TOMM70: variants seen among roughly 807,000 people sequenced by gnomAD.
TOMM70 encodes mitochondrial import receptor subunit TOM70.
TOMM70 carries 13 observed loss-of-function variants against 73.6 expected under a neutral mutation model. That is an observed-to-expected ratio of 0.18 (90% CI 0.11 to 0.28). The LOEUF is 0.28. Among genes scored for constraint, TOMM70 ranks in the 10% least tolerant of loss-of-function variants. TOMM70 has a pLI of 1.00. For synonymous variants in TOMM70, 257 were observed against 271.2 expected, an observed-to-expected ratio of 0.95 and a Z score of 0.51; for missense variants, 609 against 747.5, an observed-to-expected ratio of 0.81 and a Z score of 2.16.
intron 10 of TOMM70, among the ~76,000 whole-genome samples, chr3:100,368,651 C>T (rs940404647): frequency 5.9e-5 from 9 of 152,230 alleles, no homozygotes; most frequent in African/African-American, 2.2e-4. Flanking sequence ...TCTTGGCTCA[C>T]TGCAACCTCT....
In TOMM70 at chr3:100,363,821, C is replaced by G. The variant is rs1409488228; in HGVS notation, c.*1743G>C. ...ACAAAATGCAGCGGTCTCAAACTTCCCATCATCCAAATCATCTTGAATTAT... is the reference window on the plus strand; with the variant it reads ...ACAAAATGCAGCGGTCTCAAACTTCGCATCATCCAAATCATCTTGAATTAT... On this transcript the variant is annotated 3_prime_UTR_variant, in exon 12 of 12. Coordinates refer to ENST00000284320, the MANE Select transcript of TOMM70 (RefSeq NM_014820.5). 2 of 152,080 alleles carry G rather than the reference C, an allele frequency of 1.3e-5. No homozygotes were observed. The highest frequency in any genetic ancestry group is 4.8e-5 in the African/African-American group (2 of 41,364). 9.4% of individuals were successfully genotyped at this position (152,080 alleles called of 1,614,324 possible). A position where few individuals can be genotyped will look rare whatever the true frequency, so the allele number is the denominator to read the frequency against.
intron 1 of TOMM70, among the ~76,000 whole-genome samples, chr3:100,397,910 A>G (rs1302813156): frequency 2.0e-5 from 3 of 151,974 alleles, no homozygotes; most frequent in African/African-American, 7.3e-5. Flanking sequence ...GTTATTTGTA[A>G]AACTAAAAAA....
At chr3:100,366,696 T>A (rs1203965855) in intron 11 of TOMM70, among the ~76,000 whole-genome samples, 1 of 152,254 alleles carries the variant, frequency 6.6e-6, no homozygotes, top group East Asian at 1.9e-4. Context: ...ATTGTAAGGT[T>A]CAGAATGGAT....
intron 5 of TOMM70, among the ~76,000 whole-genome samples, chr3:100,380,951 C>T (rs1325187635): frequency 2.6e-5 from 4 of 152,034 alleles, no homozygotes; most frequent in South Asian, 2.1e-4. Context: ...CTTCCTAACT[C>T]GTTAAAAAAA....
chr3:100,395,269 T>C (rs1410062349), intron 1 of TOMM70, among the ~76,000 whole-genome samples: 6 of 152,222 alleles, frequency 3.9e-5, no homozygotes, highest in African/African-American at 1.2e-4. Flanking sequence ...CTCGGGAGGC[T>C]GAGGCAGGAG....
chr3:100,383,074 T>C (rs962308760), intron 4 of TOMM70, among the ~76,000 whole-genome samples: 5 of 152,176 alleles, frequency 3.3e-5, no homozygotes, highest in African/African-American at 1.2e-4. Flanking sequence ...TCTTACCATC[T>C]TGCAATCCAA....
chr3:100,380,922 T>C (rs1050642124), intron 5 of TOMM70, among the ~76,000 whole-genome samples: 1 of 152,216 alleles, frequency 6.6e-6, no homozygotes, highest in Non-Finnish European at 1.5e-5. Flanking sequence ...GCACAGCTAC[T>C]AGAACAGTAT....
intron 1 of TOMM70, among the ~76,000 whole-genome samples, chr3:100,394,138 A>T (rs1333180059): frequency 1.3e-5 from 2 of 152,368 alleles, no homozygotes; most frequent in East Asian, 1.9e-4. Context: ...GTGAGAAAAT[A>T]AAATGGGTAT....
chr3:100,399,848 G>A (rs887349256), intron 1 of TOMM70, among the ~76,000 whole-genome samples: 5 of 151,802 alleles, frequency 3.3e-5, no homozygotes. Context: ...GCAGCAAGAG[G>A]GGACAGTGCA....
intron 6 of TOMM70, among the ~76,000 whole-genome samples, chr3:100,375,886 A>C (rs558415336): frequency 1.3e-5 from 2 of 152,270 alleles, no homozygotes; most frequent in Admixed American, 1.3e-4. Context: ...TTGGGTATAT[A>C]CCTAGGAGTG....
chr3:100,370,859 A>G (rs1270483355), intron 9 of TOMM70, among the ~76,000 whole-genome samples: 2 of 152,182 alleles, frequency 1.3e-5, no homozygotes, highest in African/African-American at 2.4e-5. Context: ...CTATTGGGAA[A>G]GTTCTGCAGA....
At chr3:100,391,525 A>G (rs897331001) in intron 1 of TOMM70, among the ~76,000 whole-genome samples, 3 of 152,212 alleles carry the variant, frequency 2.0e-5, no homozygotes, top group Non-Finnish European at 2.9e-5. Flanking sequence ...AATTTTTTTA[A>G]TAAGACAAAG....
chr3:100,392,494 T>G (rs1706774536), intron 1 of TOMM70, among the ~76,000 whole-genome samples: 1 of 152,162 alleles, frequency 6.6e-6, no homozygotes, highest in Non-Finnish European at 1.5e-5. Context: ...CTCGGCTCAC[T>G]GCAACCTGTC....
At chr3:100,400,489 T>G in intron 1 of TOMM70, 137 bp downstream of exon 1, 14 of 916,052 alleles carry the variant, frequency 1.5e-5, no homozygotes, top group Non-Finnish European at 2.3e-5. Context: ...CAGCCAGAAA[T>G]GAGTCTCCCT....
Position 100,381,726 on chromosome 3 carries a change from T to C in TOMM70, c.773A>G (p.Lys258Arg), listed in dbSNP as rs749460000. The part of the protein sequence containing the change: ...EPLMPSPQFI[K>R]SYFSSFTDDI... ...ATCCGTGAAAGAACTGAAGTAAGAT[T>C]TGATAAACTGTGGAGATGGCATCAG... Residue 258 changes from lysine (K) to arginine (R), a missense_variant, in exon 5 of 12, where the codon AAA becomes AGA. Physicochemically the swap from Lys to Arg is conservative, Grantham distance 26. Coordinates refer to ENST00000284320, the MANE Select transcript of TOMM70 (RefSeq NM_014820.5). 6.2e-7 allele frequency: 1 copy of C among 1,611,244 alleles called. No individual in the cohort carries two copies. Among genetic ancestry groups the C allele is most frequent in the Non-Finnish European group, 8.5e-7 (1 of 1,178,376 alleles).
chr3:100,384,401 GC>G, intron 4 of TOMM70, 77 bp downstream of exon 4: 1 of 1,000,338 alleles, frequency 1.0e-6, no homozygotes. Flanking sequence ...CTATGCCTAA[GC>G]TTAAGCAGCA....
At chr3:100,374,739 A>T (rs1706544682) in intron 7 of TOMM70, among the ~76,000 whole-genome samples, 1 of 152,178 alleles carries the variant, frequency 6.6e-6, no homozygotes, top group South Asian at 2.1e-4. Context: ...ACTCATTGAA[A>T]CCTATGAACC....
Position 100,393,426 on chromosome 3 carries a change from C to T in TOMM70, c.325-6448G>A, listed in dbSNP as rs187181042. Among the ~76,000 whole-genome samples, 45 of 151,862 alleles carry T rather than the reference C, an allele frequency of 3.0e-4. 1 individual carries two copies. In the East Asian group the frequency reaches 8.1e-3, roughly 27 times the overall value. ...CACAAAAGCATACAGAGTGACATAA[C>T]GGACTATGGAGACTCAGAGGAGGGG... On this transcript the variant is annotated intron_variant, in intron 1 of 11. Coordinates refer to ENST00000284320, the MANE Select transcript of TOMM70 (RefSeq NM_014820.5).
chr3:100,391,855 T>C (rs1706767177), intron 1 of TOMM70, among the ~76,000 whole-genome samples: 2 of 152,230 alleles, frequency 1.3e-5, no homozygotes, highest in Admixed American at 1.3e-4. Flanking sequence ...TTAAACAGTA[T>C]ACTACAGTAG....
Sources: gnomAD v4.1 joint callset for allele counts (sites outside exome capture counted in the v4.1 genomes callset) on GRCh38, gnomAD v4.1.1 for gene constraint, MANE v1.5 for transcripts, NCBI Gene and HGNC (gene_info 2026-07-23, HGNC 2026-07-21) for gene names.